The following MYH14 variants were observed in gnomAD, a reference collection of about 807,000 sequenced individuals.
The protein encoded by MYH14 is myosin-14.
In MYH14, 123 loss-of-function variants were observed where a neutral mutation model predicts 255.5. That is an observed-to-expected ratio of 0.48 (90% CI 0.42 to 0.56). The LOEUF is 0.56. MYH14 is among the 20% of genes least tolerant of loss of function. MYH14 has a pLI of 0.00. For synonymous variants in MYH14, 1,095 were observed against 1,161.2 expected (o/e 0.94, Z 1.16); for missense variants, 2,423 against 2,802.3 (o/e 0.86, Z 3.06).
At position 50,252,877 on chromosome 19, in the gene MYH14, AT is replaced by A; in HGVS notation, c.1945+125del. ...CCTGAGTTTTCTGCTCAGACCCAGA[AT>A]AGCCAGTGTCACAAATAGTATTTCA... On this transcript the variant is annotated intron_variant, in intron 16 of 42. Coordinates refer to ENST00000642316, the MANE Select transcript of MYH14 (RefSeq NM_001145809.2). This position sits in a 1 kb window ranked among gnomAD's most constrained non-coding sequence, Gnocchi z 4.2. 1.6e-6 allele frequency: 1 copy of A among 623,252 alleles called. No homozygotes were observed. The highest frequency in any genetic ancestry group is 1.8e-5 in the African/African-American group (1 of 54,570). 38.6% of individuals were successfully genotyped at this position (623,252 alleles called of 1,614,324 possible).
intron 20 of MYH14, among the ~76,000 whole-genome samples, chr19:50,260,997 C>T (rs1322744725): frequency 7.2e-6 from 1 of 139,252 alleles, no homozygotes; most frequent in Non-Finnish European, 1.6e-5. Context: ...ACCGCCCCCA[C>T]CCCCGCTTCC....
intron 36 of MYH14, 55 bp downstream of exon 36, chr19:50,291,103 A>G (rs140376446): frequency 6.7e-5 from 105 of 1,574,536 alleles, no homozygotes; most frequent in Non-Finnish European, 8.6e-5. Context: ...TCAAGCCCCA[A>G]CCATCACTCC....
intron 3 of MYH14, among the ~76,000 whole-genome samples, chr19:50,220,576 G>A (rs543602764): frequency 6.7e-6 from 1 of 149,284 alleles, no homozygotes; most frequent in South Asian, 2.1e-4. Context: ...TTTTTTTTGA[G>A]ACAGAGTCTC....
rs1403946094 is a variant in MYH14 at position 50,217,838 on chromosome 19, C to T, written c.562+67C>T. 8.3e-6 allele frequency: 13 copies of T among 1,568,198 alleles called. No homozygotes were observed. The South Asian group carries it at 1.0e-4, about 12-fold the overall frequency. ...CAACGGGGGCCTGACCTGGGGCTGC[C>T]GGAAGCCAGAGTCCAGGTCAAATGA... On this transcript the variant is annotated intron_variant, in intron 3 of 42. Coordinates refer to ENST00000642316, the MANE Select transcript of MYH14 (RefSeq NM_001145809.2).
intron 23 of MYH14, among the ~76,000 whole-genome samples, chr19:50,267,623 AAATAATAAT>A (rs56141769): frequency 6.7e-6 from 1 of 149,146 alleles, no homozygotes; most frequent in African/African-American, 2.5e-5. Flanking sequence ...TCTGTCTCAA[AAATAATAAT>A]AATAATAATA....
rs1006231398 is a variant in MYH14 at position 50,203,650 on chromosome 19, C to T, written c.-25C>T. 7.9e-5 allele frequency: 12 copies of T among 152,544 alleles called. No homozygotes were observed. The highest frequency in any genetic ancestry group is 2.4e-4 in the African/African-American group (10 of 41,580). The allele number at this position is 152,544 out of a possible 1,614,324, so 9.4% of individuals were successfully genotyped here. The stretch of plus-strand genomic sequence containing the variant: ...CCCCTCTTTCTCCCCAGGCCGAAGC[C>T]TCGGGACGGCCCTGGAAGCCGGTGA... On this transcript the variant is annotated 5_prime_UTR_variant, in exon 1 of 43. Coordinates refer to ENST00000642316, the MANE Select transcript of MYH14 (RefSeq NM_001145809.2).
Position 50,249,788 on chromosome 19 carries a change from G to C in MYH14, c.1621G>C (p.Asp541His). 1.9e-6 allele frequency: 3 copies of C among 1,614,170 alleles called. No homozygotes were observed. The highest frequency in any genetic ancestry group is 1.7e-6 in the Non-Finnish European group (2 of 1,180,026). Residue 541 changes from aspartate (D) to histidine (H), a missense_variant, in exon 14 of 43, where the codon GAC becomes CAC. Physicochemically the swap from Asp to His is moderately conservative, Grantham distance 81. Transcript: ENST00000642316. ...IPWTFLDFGLDLQPCIDLIER... is the reference protein window; with the variant it reads ...IPWTFLDFGLHLQPCIDLIER... ...CTGGACCTTCCTCGACTTTGGCCTC[G>C]ACCTGCAGCCCTGCATCGACCTCAT...
rs972364317 is a variant in MYH14, at chr19:50,287,172, C to T, written c.4752+478C>T. ...CAGCAAACATTTGCATCCATATAGA[C>T]ACACACAGCGTGAAGAGAATCTCCA... On this transcript the variant is annotated intron_variant, in intron 34 of 42. Coordinates refer to ENST00000642316, the MANE Select transcript of MYH14 (RefSeq NM_001145809.2). Among the ~76,000 whole-genome samples, 6 of 152,264 alleles carry T rather than the reference C, an allele frequency of 3.9e-5. No homozygotes were observed. The South Asian group carries it at 1.0e-3, about 26-fold the overall frequency.
intron 1 of MYH14, among the ~76,000 whole-genome samples, chr19:50,205,015 T>C (rs1398236251): frequency 6.6e-6 from 1 of 152,098 alleles, no homozygotes; most frequent in Non-Finnish European, 1.5e-5. Context: ...CTCCCGAGAC[T>C]GAAGCTCAGG....
At chr19:50,251,493 A>G (rs1424873247) in intron 15 of MYH14, among the ~76,000 whole-genome samples, 3 of 138,634 alleles carry the variant, frequency 2.2e-5, no homozygotes, top group Admixed American at 8.3e-5. Flanking sequence ...ACACACATAT[A>G]TATATACACA....
chr19:50,231,821 C>T, intron 9 of MYH14, 109 bp from the exon 10 acceptor site: 1 of 1,475,032 alleles, frequency 6.8e-7, no homozygotes, highest in Non-Finnish European at 9.3e-7. Context: ...GGCCCCCACC[C>T]ACTTGACAGT....
In MYH14 at chr19:50,289,608, AT is replaced by A; in HGVS notation, c.4926del (p.Asp1642GlufsTer15). 2 of 1,612,398 alleles carry A rather than the reference AT, an allele frequency of 1.2e-6. No individual in the cohort carries two copies. Among genetic ancestry groups the A allele is most frequent in the Non-Finnish European group, 1.7e-6 (2 of 1,179,470 alleles). ...TQHERDLQGRDEAGEERRRQL... is the reference protein window; with the variant it reads ...TQHERDLQGRXEAGEERRRQL... ...CATGAGCGTGACCTGCAGGGCCGTG[AT>A]GAGGCTGGTGAAGAGAGGCGGAGGC... On this transcript the variant is annotated frameshift_variant, in exon 35 of 43. Coordinates refer to ENST00000642316, the MANE Select transcript of MYH14 (RefSeq NM_001145809.2). LOFTEE classifies it high-confidence loss of function.
rs1035941349 is a variant in MYH14 at position 50,310,063 on chromosome 19, A to G, written c.*273A>G. 2 of 558,268 alleles carry G rather than the reference A, an allele frequency of 3.6e-6. No homozygotes were observed. The highest frequency in any genetic ancestry group is 1.9e-5 in the African/African-American group (1 of 52,514). The allele number at this position is 558,268 out of a possible 1,614,324, so 34.6% of individuals were successfully genotyped here. A position where few individuals can be genotyped will look rare whatever the true frequency, so the allele number is the denominator to read the frequency against. ...GGTACAGTTGGCAAGCTGTGTTTCC[A>G]TCAGCTCCCTGTCCTCCTTTCTTCC... On this transcript the variant is annotated 3_prime_UTR_variant, in exon 43 of 43. Coordinates refer to ENST00000642316, the MANE Select transcript of MYH14 (RefSeq NM_001145809.2).
chr19:50,220,246 A>G (rs555117609), intron 3 of MYH14, among the ~76,000 whole-genome samples: 81 of 151,950 alleles, frequency 5.3e-4, no homozygotes, highest in African/African-American at 1.9e-3. Context: ...TACTTATTGA[A>G]TATGCATATT....
chr19:50,263,404 G>A lies in MYH14; in HGVS notation c.2678G>A (p.Trp893Ter), dbSNP rs1391228897. The A allele has an allele frequency of 6.2e-7, 1 of 1,601,858 alleles. No homozygotes were observed. The highest frequency in any genetic ancestry group is 1.7e-4 in the Middle Eastern group (1 of 6,010). ...AYLKLRHWQW[W>*]RLFTKVKPLL... is the part of the protein sequence containing the mutation. ...CTCAAGCTGAGACACTGGCAGTGGTGGCGGCTGTTTACCAAGGTGAGGGCA... is the reference window on the plus strand; with the variant it reads ...CTCAAGCTGAGACACTGGCAGTGGTAGCGGCTGTTTACCAAGGTGAGGGCA... The change falls in exon 22 of 43, where the codon TGG (tryptophan) becomes TAG (stop). Residue 893 changes from tryptophan to a stop codon, truncating the protein, a stop_gained. Coordinates refer to ENST00000642316, the MANE Select transcript of MYH14 (RefSeq NM_001145809.2). LOFTEE classifies it high-confidence loss of function.
Position 50,276,177 on chromosome 19 carries a change from C to T in MYH14, c.3654C>T (p.Asp1218=). The change falls in exon 28 of 43, where the codon GAC becomes GAT. Residue 1218 remains aspartate, a synonymous_variant. Transcript: ENST00000642316. This position sits in a 1 kb window ranked among gnomAD's most constrained non-coding sequence, Gnocchi z 4.3. ...GGGGCGAGCTGGAGGACACGCTGGACTCCACCAACGCACAGCAGGAGCTCC... is the reference window on the plus strand; with the variant it reads ...GGGGCGAGCTGGAGGACACGCTGGATTCCACCAACGCACAGCAGGAGCTCC... ...ALRGELEDTL[D]STNAQQELRS... 1 of 1,552,276 alleles carries T rather than the reference C, an allele frequency of 6.4e-7. No homozygotes were observed. Among genetic ancestry groups the T allele is most frequent in the Non-Finnish European group, 8.7e-7 (1 of 1,149,412 alleles).
chr19:50,235,444 G>C (rs2033618870), intron 10 of MYH14, among the ~76,000 whole-genome samples: 1 of 151,698 alleles, frequency 6.6e-6, no homozygotes, highest in Admixed American at 6.6e-5. Flanking sequence ...CTGGACCCTG[G>C]CCCAGCACTC....
chr19:50,243,350 C>T (rs1314057533), intron 10 of MYH14, among the ~76,000 whole-genome samples: 1 of 151,968 alleles, frequency 6.6e-6, no homozygotes, highest in Non-Finnish European at 1.5e-5. Flanking sequence ...GCAGGAGAAT[C>T]GCTTGAAGTT....
Position 50,271,394 on chromosome 19 carries a change from G to A in MYH14, c.3034-15G>A, listed in dbSNP as rs1397663200. The A allele has an allele frequency of 6.3e-7, 1 of 1,594,020 alleles. No homozygotes were observed. The highest frequency in any genetic ancestry group is 8.5e-7 in the Non-Finnish European group (1 of 1,170,888). ...TTGGCCCAGTATCCTCACTCCTCCT[G>A]CCTTCCCACCCCAGGAGCTAGAGGC... On this transcript the variant is annotated splice_polypyrimidine_tract_variant and intron_variant, in intron 24 of 42. Transcript: ENST00000642316.
Sources: allele counts gnomAD v4.1 joint callset (sites outside exome capture counted in the v4.1 genomes callset), GRCh38; gene constraint gnomAD v4.1.1; non-coding constraint Gnocchi (gnomAD v3.1); transcripts MANE v1.5; gene names NCBI Gene and HGNC (gene_info 2026-07-23, HGNC 2026-07-21).